Variants in CSMD2 observed in about 807,000 individuals in gnomAD.
CSMD2 encodes the protein CUB and sushi domain-containing protein 2.
In CSMD2, 130 loss-of-function variants were observed where a neutral mutation model predicts 398.5. The ratio of observed to expected loss-of-function variants is 0.33; its 90% CI spans 0.28 to 0.38. The LOEUF is 0.38. Among genes scored for constraint, CSMD2 ranks in the 10% least tolerant of loss-of-function variants. The probability of loss-of-function intolerance (pLI) is 1.00; values close to 1 mark genes in which losing one functional copy is unlikely to be tolerated. For missense variants in CSMD2, 3,829 were observed against 4,764.9 expected, an observed-to-expected ratio of 0.80 and a Z score of 5.78; for synonymous variants, 1,828 against 1,908.5, an observed-to-expected ratio of 0.96 and a Z score of 1.10.
intron 5 of CSMD2, among the ~76,000 whole-genome samples, chr1:33,917,256 C>T (rs1431329545): frequency 6.6e-6 from 1 of 152,192 alleles, no homozygotes; most frequent in Non-Finnish European, 1.5e-5. Flanking sequence ...ACTAAGGCTC[C>T]AACGATGCCC....
chr1:33,676,250 C>A (rs961682976), intron 25 of CSMD2, among the ~76,000 whole-genome samples: 2 of 152,208 alleles, frequency 1.3e-5, no homozygotes, highest in African/African-American at 4.8e-5. Flanking sequence ...TGATAAGCAA[C>A]TTCAGCAAAG....
chr1:33,922,744 G>A (rs1432675222), intron 4 of CSMD2, among the ~76,000 whole-genome samples: 4 of 152,014 alleles, frequency 2.6e-5, no homozygotes, highest in African/African-American at 9.7e-5. Flanking sequence ...CATCCAGCCA[G>A]GGACTCAGCT....
At position 33,735,168 on chromosome 1, in the gene CSMD2, A is replaced by G. The variant is rs112354281; in HGVS notation, c.2368+3972T>C. ...CTCTTCAGTGATATAATTCAAGAAAAATACAGTAACAGGGTAGCCAAGAGT... is the reference window on the plus strand; with the variant it reads ...CTCTTCAGTGATATAATTCAAGAAAGATACAGTAACAGGGTAGCCAAGAGT... On this transcript the variant is annotated intron_variant, in intron 15 of 70. Transcript: ENST00000373381. 3.3e-5 allele frequency among the ~76,000 whole-genome samples: 5 copies of G among 152,318 alleles called. 1 individual carries two copies. The highest frequency in any genetic ancestry group is 1.2e-4 in the African/African-American group (5 of 41,574).
At chr1:34,082,399 G>A (rs1034270085) in intron 2 of CSMD2, among the ~76,000 whole-genome samples, 23 of 151,836 alleles carry the variant, frequency 1.5e-4, no homozygotes, top group South Asian at 1.5e-3. Flanking sequence ...CCCAGCAGCC[G>A]CCCCGTCTGG....
intron 15 of CSMD2, among the ~76,000 whole-genome samples, chr1:33,737,883 C>T (rs1646934700): frequency 6.6e-6 from 1 of 152,218 alleles, no homozygotes; most frequent in South Asian, 2.1e-4. Context: ...TATACCAGGA[C>T]TGCCTACTCC....
chr1:34,038,081 C>T (rs1651376285), intron 2 of CSMD2, among the ~76,000 whole-genome samples: 1 of 152,150 alleles, frequency 6.6e-6, no homozygotes, highest in African/African-American at 2.4e-5. Flanking sequence ...AATTGAATCT[C>T]CCCAGCTGGA....
intron 3 of CSMD2, among the ~76,000 whole-genome samples, chr1:34,006,422 G>C (rs548876078): frequency 6.6e-6 from 1 of 152,196 alleles, no homozygotes; most frequent in South Asian, 2.1e-4. Flanking sequence ...TCCCACCCCA[G>C]ATCTCATTAC....
intron 2 of CSMD2, among the ~76,000 whole-genome samples, chr1:34,082,779 G>C (rs541582298): frequency 1.5e-4 from 23 of 151,832 alleles, no homozygotes; most frequent in South Asian, 6.2e-4. Context: ...CCCCAACCCC[G>C]TGCTCTCTGA....
intron 25 of CSMD2, among the ~76,000 whole-genome samples, chr1:33,688,526 TA>T (rs527903138): frequency 2.0e-5 from 3 of 152,164 alleles, no homozygotes; most frequent in Non-Finnish European, 4.4e-5. Flanking sequence ...TTTTGAATTT[TA>T]AAAAAATGAT....
At chr1:33,702,061 G>A (rs1645629547) in intron 22 of CSMD2, among the ~76,000 whole-genome samples, 1 of 152,142 alleles carries the variant, frequency 6.6e-6, no homozygotes, top group Non-Finnish European at 1.5e-5. Flanking sequence ...GAGGACAGAG[G>A]AACATACGAA....
chr1:34,102,271 C>A (rs1414112852), intron 1 of CSMD2, among the ~76,000 whole-genome samples: 1 of 152,190 alleles, frequency 6.6e-6, no homozygotes, highest in Non-Finnish European at 1.5e-5. Context: ...ACCTCATGAT[C>A]CACCCGCCTC....
At chr1:34,060,454 CG>C (rs1654347682) in intron 2 of CSMD2, among the ~76,000 whole-genome samples, 1 of 152,038 alleles carries the variant, frequency 6.6e-6, no homozygotes, top group South Asian at 2.1e-4. Flanking sequence ...GGAGAAAGAC[CG>C]GGAGGCGGAG....
intron 44 of CSMD2, chr1:33,592,492 G>C: frequency 1.4e-6 from 1 of 717,198 alleles, no homozygotes; most frequent in South Asian, 1.5e-5. Flanking sequence ...CAAGTGCCCT[G>C]AGGAGCAGTT....
intron 13 of CSMD2, among the ~76,000 whole-genome samples, chr1:33,754,698 G>A (rs551697335): frequency 3.1e-4 from 47 of 152,260 alleles, no homozygotes; most frequent in African/African-American, 1.1e-3. Flanking sequence ...TATGTTAAAA[G>A]TTTTTAAAGG....
At chr1:33,549,267 T>C (rs918959014) in intron 56 of CSMD2, among the ~76,000 whole-genome samples, 1 of 152,146 alleles carries the variant, frequency 6.6e-6, no homozygotes, top group Non-Finnish European at 1.5e-5. Context: ...TCTGAAGGGA[T>C]CTGGCATGGG....
At chr1:33,829,926 C>T (rs377209132) in intron 6 of CSMD2, among the ~76,000 whole-genome samples, 3,136 of 152,288 alleles carry the variant, frequency 0.021, 51 homozygotes, top group Middle Eastern at 0.051. Flanking sequence ...AGTCTGAGAT[C>T]AAACTGCAAG....
intron 1 of CSMD2, among the ~76,000 whole-genome samples, chr1:34,124,403 C>T (rs1662528516): frequency 6.6e-6 from 1 of 152,158 alleles, no homozygotes; most frequent in Non-Finnish European, 1.5e-5. Context: ...TCCATTTACA[C>T]TTGTCTTCTG....
intron 5 of CSMD2, among the ~76,000 whole-genome samples, chr1:33,848,757 T>G (rs1181037954): frequency 6.6e-6 from 1 of 152,022 alleles, no homozygotes; most frequent in African/African-American, 2.4e-5. Flanking sequence ...TTAAAATAGT[T>G]TATTACAGAC....
At chr1:33,749,478 A>T (rs984647226) in intron 13 of CSMD2, among the ~76,000 whole-genome samples, 5 of 152,200 alleles carry the variant, frequency 3.3e-5, no homozygotes, top group Non-Finnish European at 7.3e-5. Flanking sequence ...TTCATGATTA[A>T]ACAATAAAGA....
Sources: allele counts gnomAD v4.1 joint callset (sites outside exome capture counted in the v4.1 genomes callset), GRCh38; gene constraint gnomAD v4.1.1; transcripts MANE v1.5; gene names NCBI Gene and HGNC (gene_info 2026-07-23, HGNC 2026-07-21).